The following NPAS2 variants were observed in gnomAD, a reference collection of about 807,000 sequenced individuals.
The protein encoded by NPAS2 is neuronal PAS domain protein 2, also known as neuronal PAS domain-containing protein 2.
Under a neutral mutation model 107.5 loss-of-function variants are expected in NPAS2, and 23 were observed. The observed-to-expected ratio is 0.21, with a 90% CI of 0.15 to 0.30. NPAS2 has a LOEUF of 0.30. Ranked by LOEUF, NPAS2 falls within the 10% of genes least tolerant of loss-of-function variation. The pLI, the probability that NPAS2 is intolerant of heterozygous loss-of-function variation, is 1.00. For synonymous variants in NPAS2, 403 were observed against 417.5 expected (o/e 0.97, Z 0.42); for missense variants, 756 against 1,043.3 (o/e 0.72, Z 3.79).
chr2:100,928,786 C>T (rs1461763402), intron 3 of NPAS2, among the ~76,000 whole-genome samples: 2 of 152,238 alleles, frequency 1.3e-5, no homozygotes, highest in Admixed American at 1.3e-4. Flanking sequence ...ACTCTGCAGG[C>T]ACCTGCAACA....
At chr2:100,904,391 G>C (rs886132166) in intron 1 of NPAS2, among the ~76,000 whole-genome samples, 1 of 152,148 alleles carries the variant, frequency 6.6e-6, no homozygotes, top group Non-Finnish European at 1.5e-5. Context: ...TAATTAACTC[G>C]TTATTTGCTC....
intron 1 of NPAS2, among the ~76,000 whole-genome samples, chr2:100,832,523 C>A (rs1452226838): frequency 1.3e-5 from 2 of 152,180 alleles, no homozygotes; most frequent in Admixed American, 6.5e-5. Flanking sequence ...GTGTGCGCCA[C>A]ATCTGTTTGG....
intron 12 of NPAS2, among the ~76,000 whole-genome samples, chr2:100,973,847 A>C (rs1198986772): frequency 6.6e-6 from 1 of 151,854 alleles, no homozygotes; most frequent in Admixed American, 6.6e-5. Context: ...TGTTTGGTTT[A>C]TTATTATTTT....
At chr2:100,949,916 C>T (rs997489028) in intron 7 of NPAS2, among the ~76,000 whole-genome samples, 32 of 152,292 alleles carry the variant, frequency 2.1e-4, no homozygotes, top group African/African-American at 7.2e-4. Flanking sequence ...GTCTTCTGCT[C>T]ACTGTGGCCC....
At position 100,836,006 on chromosome 2, in the gene NPAS2, G is replaced by A. The variant is rs564551304; in HGVS notation, c.-23+15592G>A. On this transcript the variant is annotated intron_variant, in intron 1 of 20. Coordinates refer to ENST00000335681, the MANE Select transcript of NPAS2 (RefSeq NM_002518.4). ...GGTTTGACTCCTGGGGAGTATCTCC[G>A]TAGTGATTCACTTAACTGATTAAGG... 1.2e-4 allele frequency among the ~76,000 whole-genome samples: 19 copies of A among 152,210 alleles called. No individual in the cohort carries two copies. In the East Asian group the frequency reaches 1.7e-3, roughly 14 times the overall value.
intron 1 of NPAS2, among the ~76,000 whole-genome samples, chr2:100,843,048 A>G (rs1677540734): frequency 6.6e-6 from 1 of 151,962 alleles, no homozygotes; most frequent in Admixed American, 6.6e-5. Flanking sequence ...GAGAAACCCC[A>G]TCTCTATTAA....
intron 1 of NPAS2, among the ~76,000 whole-genome samples, chr2:100,832,618 G>T (rs537973268): frequency 6.6e-6 from 1 of 152,154 alleles, no homozygotes; most frequent in African/African-American, 2.4e-5. Context: ...TTCTCCTCTC[G>T]CCATGCCTGG....
At chr2:100,937,332 T>C (rs1369138067) in intron 4 of NPAS2, among the ~76,000 whole-genome samples, 3 of 152,228 alleles carry the variant, frequency 2.0e-5, no homozygotes, top group African/African-American at 7.2e-5. Flanking sequence ...CTGATACCTT[T>C]ATCAGGGCAA....
chr2:100,933,641 C>T (rs1298546316), intron 4 of NPAS2, among the ~76,000 whole-genome samples: 1 of 152,186 alleles, frequency 6.6e-6, no homozygotes, highest in Non-Finnish European at 1.5e-5. Flanking sequence ...AGTCCCTTTC[C>T]TCAACATCAT....
intron 1 of NPAS2, among the ~76,000 whole-genome samples, chr2:100,893,150 G>T (rs947366332): frequency 1.4e-4 from 21 of 152,208 alleles, no homozygotes; most frequent in African/African-American, 4.6e-4. Context: ...GAGCGTCGCA[G>T]TTCATCAGCA....
chr2:100,928,172 C>T (rs1683701970), intron 3 of NPAS2, among the ~76,000 whole-genome samples: 1 of 151,610 alleles, frequency 6.6e-6, no homozygotes, highest in Non-Finnish European at 1.5e-5. Flanking sequence ...TCCAAAGCTG[C>T]CCAGGAGAGA....
chr2:100,971,238 G>A lies in NPAS2; in HGVS notation c.1140+164G>A, dbSNP rs1676529692. Among the ~76,000 whole-genome samples, 6 of 150,474 alleles carry A rather than the reference G, an allele frequency of 4.0e-5. No homozygotes were observed. In the South Asian group the frequency reaches 8.4e-4, roughly 21 times the overall value. ...CCCTTGAGGCCGTCACATTGAGGCTGTGGTGAGCTATGATTGTGCCACCAT... is the reference window on the plus strand; with the variant it reads ...CCCTTGAGGCCGTCACATTGAGGCTATGGTGAGCTATGATTGTGCCACCAT... On this transcript the variant is annotated intron_variant, in intron 12 of 20. Transcript: ENST00000335681.
intron 1 of NPAS2, among the ~76,000 whole-genome samples, chr2:100,845,443 C>G (rs1460114779): frequency 1.3e-5 from 2 of 152,204 alleles, no homozygotes; most frequent in Admixed American, 1.3e-4. Flanking sequence ...CATTCAGTCT[C>G]TCAGTGCCAA....
At chr2:100,852,514 C>T (rs888212350) in intron 1 of NPAS2, among the ~76,000 whole-genome samples, 10 of 152,196 alleles carry the variant, frequency 6.6e-5, no homozygotes, top group Non-Finnish European at 1.2e-4. Flanking sequence ...AAGAACAGGA[C>T]TTGTTTTACA....
intron 3 of NPAS2, among the ~76,000 whole-genome samples, chr2:100,932,426 T>C (rs1017298590): frequency 3.9e-5 from 6 of 152,362 alleles, no homozygotes; most frequent in Admixed American, 1.3e-4. Flanking sequence ...AAAAATATGG[T>C]ACATTCTGTA....
At chr2:100,836,138 C>G (rs1573425586) in intron 1 of NPAS2, among the ~76,000 whole-genome samples, 1 of 152,296 alleles carries the variant, frequency 6.6e-6, no homozygotes, top group African/African-American at 2.4e-5. Flanking sequence ...TAGGTTACTT[C>G]CACTTTGTCT....
intron 1 of NPAS2, among the ~76,000 whole-genome samples, chr2:100,889,721 G>A (rs1318595811): frequency 6.6e-6 from 1 of 152,130 alleles, no homozygotes; most frequent in Non-Finnish European, 1.5e-5. Flanking sequence ...CAAATTCCCA[G>A]CTGGGCCTGC....
chr2:100,977,052 A>C (rs77227562), intron 14 of NPAS2: 2 of 151,090 alleles, frequency 1.3e-5, no homozygotes, highest in Non-Finnish European at 2.9e-5. Context: ...AAAAAAAAAA[A>C]CCACTAGAAA....
intron 4 of NPAS2, among the ~76,000 whole-genome samples, chr2:100,933,839 T>G (rs1327872686): frequency 2.6e-5 from 4 of 152,186 alleles, no homozygotes; most frequent in Non-Finnish European, 5.9e-5. Context: ...CTGGGACAGA[T>G]GAGCTCAGCA....
Sources: allele counts gnomAD v4.1 joint callset (sites outside exome capture counted in the v4.1 genomes callset), GRCh38; gene constraint gnomAD v4.1.1; transcripts MANE v1.5; gene names NCBI Gene and HGNC (gene_info 2026-07-23, HGNC 2026-07-21).